DTNB: variants seen among roughly 807,000 people sequenced by gnomAD.
DTNB encodes dystrobrevin beta, also known as DTN-B.
In DTNB, 63 loss-of-function variants were observed where a neutral mutation model predicts 90.7. The ratio of observed to expected loss-of-function variants is 0.69; its 90% CI spans 0.57 to 0.86. The LOEUF is 0.86. Among genes scored for constraint, DTNB ranks in the 40% least tolerant of loss-of-function variants. The pLI is 0.00. For missense variants in DTNB, 744 were observed against 807.1 expected (o/e 0.92, Z 0.95); for synonymous variants, 277 against 286.7 (o/e 0.97, Z 0.34).
chr2:25,609,152 T>G lies in DTNB; in HGVS notation c.363-1831A>C, dbSNP rs149674424. Among the ~76,000 whole-genome samples, 649 of 152,352 alleles carry G rather than the reference T, an allele frequency of 4.3e-3. 2 individuals are homozygous for G. Among genetic ancestry groups the G allele is most frequent in the Non-Finnish European group, 8.0e-3 (542 of 68,036 alleles). On this transcript the variant is annotated intron_variant, in intron 4 of 20. Transcript: ENST00000406818. ...CTACTTTCCCAACCTACTTACAGAA[T>G]CTGTGGGTCACCCTTTTAATTAATT...
In DTNB at chr2:25,536,932, G is replaced by A. The variant is rs138777107; in HGVS notation, c.877-5335C>T. On this transcript the variant is annotated intron_variant, in intron 8 of 20. Coordinates refer to ENST00000406818, the MANE Select transcript of DTNB (RefSeq NM_021907.5). ...TAATTTTTGTATTTTTAGTAGATAC[G>A]GGGTTTCACCTGGTTGGCCAGGATG... Among the ~76,000 whole-genome samples the A allele has an allele frequency of 7.8e-3, 1,181 of 152,010 alleles. 19 individuals are homozygous for A. The highest frequency in any genetic ancestry group is 0.027 in the African/African-American group (1,125 of 41,422).
Position 25,385,960 on chromosome 2 carries a change from T to C in DTNB, c.1825+1329A>G, listed in dbSNP as rs114377559. On this transcript the variant is annotated intron_variant, in intron 18 of 20. Transcript: ENST00000406818. ...CCATGGCCCGAAATTCCCTGAGAAA[T>C]TTCCTCTAAAAGTGGGATTTCTGAC... 4,995 of 948,176 alleles carry C rather than the reference T, an allele frequency of 5.3e-3. 15 individuals are homozygous for C. The highest frequency in any genetic ancestry group is 5.8e-3 in the Non-Finnish European group (4,582 of 795,870). 58.7% of individuals were successfully genotyped at this position (948,176 alleles called of 1,614,324 possible).
intron 1 of DTNB, among the ~76,000 whole-genome samples, chr2:25,653,503 CTTTCTTTCTTTCT>C (rs1215905027): frequency 3.4e-5 from 4 of 116,990 alleles, no homozygotes; most frequent in African/African-American, 1.3e-4. Context: ...TTCTTTCTTT[CTTTCTTTCTTTCT>C]TTTTTTTTTT....
At chr2:25,477,194 G>A (rs2063901848) in intron 10 of DTNB, among the ~76,000 whole-genome samples, 1 of 152,104 alleles carries the variant, frequency 6.6e-6, no homozygotes, top group Admixed American at 6.6e-5. Context: ...TACTGCTATT[G>A]CACACTTATG....
chr2:25,405,631 A>G (rs926877666), intron 16 of DTNB, among the ~76,000 whole-genome samples: 1 of 151,732 alleles, frequency 6.6e-6, no homozygotes, highest in Non-Finnish European at 1.5e-5. Context: ...ACAGACCATG[A>G]GCCAAGAATG....
chr2:25,570,638 T>C (rs2059729547), intron 8 of DTNB, among the ~76,000 whole-genome samples: 1 of 152,144 alleles, frequency 6.6e-6, no homozygotes, highest in South Asian at 2.1e-4. Flanking sequence ...TTTGACACAG[T>C]TGATCACTTC....
intron 19 of DTNB, among the ~76,000 whole-genome samples, chr2:25,381,545 A>G (rs1387864081): frequency 7.2e-5 from 11 of 152,118 alleles, no homozygotes; most frequent in African/African-American, 2.2e-4. Flanking sequence ...ACATCCGGCT[A>G]ATTTATTTTT....
chr2:25,669,899 T>A (rs1438056036), intron 1 of DTNB, among the ~76,000 whole-genome samples: 3 of 148,962 alleles, frequency 2.0e-5, no homozygotes, highest in Admixed American at 6.7e-5. Flanking sequence ...AGGAAGACCC[T>A]ATCTCAAAAA....
chr2:25,514,910 T>C (rs1477435791), intron 9 of DTNB, among the ~76,000 whole-genome samples: 1 of 152,122 alleles, frequency 6.6e-6, no homozygotes, highest in African/African-American at 2.4e-5. Context: ...CTCCAACTCC[T>C]GACCTAAACT....
At chr2:25,635,963 C>G (rs2077040694) in intron 3 of DTNB, among the ~76,000 whole-genome samples, 1 of 152,280 alleles carries the variant, frequency 6.6e-6, no homozygotes, top group South Asian at 2.1e-4. Context: ...GGTCAAAAAG[C>G]AGACCTTCTC....
chr2:25,658,872 C>T (rs1037174410), intron 1 of DTNB, among the ~76,000 whole-genome samples: 1 of 152,064 alleles, frequency 6.6e-6, no homozygotes, highest in Non-Finnish European at 1.5e-5. Flanking sequence ...TTGTCAACAC[C>T]GACAGAACTT....
intron 16 of DTNB, among the ~76,000 whole-genome samples, chr2:25,409,753 GCCT>G (rs1466827994): frequency 6.6e-6 from 1 of 152,106 alleles, no homozygotes; most frequent in Non-Finnish European, 1.5e-5. Context: ...TCCTTCTCCT[GCCT>G]CCTTTTTCTT....
At chr2:25,382,742 T>C (rs932778896) in intron 19 of DTNB, among the ~76,000 whole-genome samples, 1 of 152,080 alleles carries the variant, frequency 6.6e-6, no homozygotes, top group Non-Finnish European at 1.5e-5. Flanking sequence ...TTGGCCAGGC[T>C]GCTCTCGAAT....
intron 4 of DTNB, among the ~76,000 whole-genome samples, chr2:25,626,263 G>A (rs2074128441): frequency 6.6e-6 from 1 of 152,156 alleles, no homozygotes; most frequent in South Asian, 2.1e-4. Context: ...TGTGTTGTGT[G>A]ACCCATGAAT....
intron 10 of DTNB, among the ~76,000 whole-genome samples, chr2:25,472,253 A>G (rs2150311522): frequency 6.6e-6 from 1 of 152,332 alleles, no homozygotes; most frequent in South Asian, 2.1e-4. Context: ...ATATAGTTTT[A>G]GGGTGTTACG....
At chr2:25,399,070 G>A (rs1192432715) in intron 16 of DTNB, among the ~76,000 whole-genome samples, 1 of 152,082 alleles carries the variant, frequency 6.6e-6, no homozygotes, top group Non-Finnish European at 1.5e-5. Flanking sequence ...TTTCTTTTTT[G>A]AGACGGAATC....
At chr2:25,621,493 C>G (rs2072621175) in intron 4 of DTNB, among the ~76,000 whole-genome samples, 1 of 147,344 alleles carries the variant, frequency 6.8e-6, no homozygotes, top group Non-Finnish European at 1.5e-5. Flanking sequence ...ATTGCCCAGG[C>G]TGAAGTGCAG....
intron 4 of DTNB, among the ~76,000 whole-genome samples, chr2:25,617,873 G>A (rs550359956): frequency 6.6e-6 from 1 of 152,132 alleles, no homozygotes; most frequent in South Asian, 2.1e-4. Flanking sequence ...GCAAGACCCT[G>A]TCTCAATAAA....
intron 1 of DTNB, among the ~76,000 whole-genome samples, chr2:25,670,879 A>C (rs148152412): frequency 3.9e-5 from 6 of 152,292 alleles, no homozygotes; most frequent in Admixed American, 1.3e-4. Flanking sequence ...AGCGTGACGA[A>C]ATTTTGTGCC....
Sources: gnomAD v4.1 joint callset for allele counts (sites outside exome capture counted in the v4.1 genomes callset) on GRCh38, gnomAD v4.1.1 for gene constraint, MANE v1.5 for transcripts, NCBI Gene and HGNC (gene_info 2026-07-23, HGNC 2026-07-21) for gene names.